The following HHLA2 variants were observed in gnomAD, a reference collection of about 807,000 sequenced individuals.
HHLA2 encodes HERV-H LTR-associating protein 2.
A neutral mutation model predicts 45.9 loss-of-function variants in HHLA2; 48 were observed. The ratio of observed to expected loss-of-function variants is 1.05; its 90% CI spans 0.83 to 1.33. The LOEUF (loss-of-function observed/expected upper bound fraction) is 1.33. Among genes scored for constraint, HHLA2 ranks in the 40% most tolerant of loss-of-function variants. HHLA2 has a pLI of 0.00. For synonymous variants in HHLA2, 161 were observed against 173.9 expected, an observed-to-expected ratio of 0.93 and a Z score of 0.59; for missense variants, 462 against 494.3, an observed-to-expected ratio of 0.93 and a Z score of 0.62.
At chr3:108,351,926 A>G in intron 4 of HHLA2, 49 bp downstream of exon 3, 1 of 1,276,446 alleles carries the variant, frequency 7.8e-7, no homozygotes, top group Non-Finnish European at 1.1e-6. Flanking sequence ...TATCAGATAG[A>G]AACATGAGCA....
intron 8 of HHLA2, among the ~76,000 whole-genome samples, chr3:108,363,541 G>GGA (rs1470876984): frequency 6.6e-6 from 1 of 152,142 alleles, no homozygotes; most frequent in Non-Finnish European, 1.5e-5. Context: ...TAGGGGCAAT[G>GGA]GAGAGCAAGC....
In HHLA2 at chr3:108,333,773, T is replaced by C. The variant is rs112481666; in HGVS notation, c.-27+5426T>C. 1.7e-3 allele frequency among the ~76,000 whole-genome samples: 259 copies of C among 152,336 alleles called. 2 individuals carry two copies. The highest frequency in any genetic ancestry group is 5.9e-3 in the African/African-American group (247 of 41,582). ...CAATGAGCTAGCCTAGGCAGCCAGC[T>C]TTAATTTCAAGTTTGATGGCCTGAT... On this transcript the variant is annotated intron_variant, in intron 3 of 10. Transcript: ENST00000619531.
intron 2 of HHLA2, among the ~76,000 whole-genome samples, chr3:108,312,765 T>G (rs138807052): frequency 6.6e-6 from 1 of 152,220 alleles, no homozygotes; most frequent in Admixed American, 6.5e-5. Context: ...AATTTTCTCC[T>G]GAAAGCTCAC....
At chr3:108,360,049 AG>A (rs1413517261) in intron 7 of HHLA2, among the ~76,000 whole-genome samples, 1 of 152,192 alleles carries the variant, frequency 6.6e-6, no homozygotes, top group Non-Finnish European at 1.5e-5. Context: ...CAGCAGACAC[AG>A]CCTCTCCAGT....
At chr3:108,336,031 T>C (rs148853097) in intron 3 of HHLA2, among the ~76,000 whole-genome samples, 5 of 152,160 alleles carry the variant, frequency 3.3e-5, no homozygotes, top group African/African-American at 1.2e-4. Context: ...TCCTCCCTGT[T>C]GTGCCCCTGC....
intron 6 of HHLA2, 66 bp downstream of exon 5, chr3:108,355,447 T>C: frequency 2.0e-6 from 3 of 1,510,270 alleles, no homozygotes; most frequent in Non-Finnish European, 2.7e-6. Context: ...GGGGACTGAT[T>C]TGCAAAAAAA....
intron 2 of HHLA2, among the ~76,000 whole-genome samples, chr3:108,324,100 G>A (rs2081248082): frequency 6.6e-6 from 1 of 152,154 alleles, no homozygotes; most frequent in South Asian, 2.1e-4. Context: ...TTAATTCACA[G>A]GTTGGTGAAT....
chr3:108,343,163 TA>T (rs2081605010), intron 3 of HHLA2, among the ~76,000 whole-genome samples: 1 of 152,216 alleles, frequency 6.6e-6, no homozygotes, highest in Non-Finnish European at 1.5e-5. Flanking sequence ...GAGGTCAAGA[TA>T]AGTTGGAGGG....
At chr3:108,299,019 CTAGAT>C (rs2080807806) in intron 1 of HHLA2, among the ~76,000 whole-genome samples, 1 of 152,260 alleles carries the variant, frequency 6.6e-6, no homozygotes. Flanking sequence ...CTAATTTAAC[CTAGAT>C]TAGAGACATC....
chr3:108,326,130 C>T (rs2081285320), intron 2 of HHLA2: 1 of 248,044 alleles, frequency 4.0e-6, no homozygotes, highest in Non-Finnish European at 8.0e-6. Flanking sequence ...AATGCCACTA[C>T]AATCTTTTTC....
exon 5 of HHLA2, chr3:108,353,733 G>A (rs780032909): frequency 1.2e-6 from 2 of 1,613,168 alleles, no homozygotes; most frequent in Non-Finnish European, 1.7e-6. Flanking sequence ...TGCTATGTAG[G>A]AACAGCAATT....
At chr3:108,309,978 G>A (rs2080991624) in intron 1 of HHLA2, among the ~76,000 whole-genome samples, 1 of 151,970 alleles carries the variant, frequency 6.6e-6, no homozygotes, top group South Asian at 2.1e-4. Flanking sequence ...ATATTACATG[G>A]ATTTTTTATT....
chr3:108,297,177 A>G (rs1328100274), intron 1 of HHLA2, among the ~76,000 whole-genome samples: 2 of 152,238 alleles, frequency 1.3e-5, no homozygotes, highest in African/African-American at 2.4e-5. Flanking sequence ...CAAGATTCAA[A>G]AAGTTAAGAT....
rs903335322 is a variant in HHLA2, at chr3:108,313,271, T to C, written c.-105+2530T>C. On this transcript the variant is annotated intron_variant, in intron 2 of 10. Coordinates refer to ENST00000619531, the Ensembl canonical transcript of HHLA2. Reference sequence around the variant, plus strand: ...GGAAAAAGGCTGGTGTGGGTAGTCTTGTACCAACGAGCAGGATTGTGATTC... The same window carrying C: ...GGAAAAAGGCTGGTGTGGGTAGTCTCGTACCAACGAGCAGGATTGTGATTC... Among the ~76,000 whole-genome samples, 28 of 152,186 alleles carry C rather than the reference T, an allele frequency of 1.8e-4. 1 individual carries two copies. The highest frequency in any genetic ancestry group is 2.6e-4 in the Admixed American group (4 of 15,280).
In HHLA2 at chr3:108,353,551, G is replaced by A. The variant is rs2081825969; in HGVS notation, c.189G>A (p.Trp63Ter). The change falls in exon 5 of 11, where the codon TGG becomes TGA. Residue 63 changes from tryptophan to a stop codon, truncating the protein, a stop_gained. Coordinates refer to ENST00000619531, the Ensembl canonical transcript of HHLA2. LOFTEE classifies it high-confidence loss of function. ...GGGGATCCGAAGTCGTAATACACTG[G>A]AAGTATCAAGATAGCTATAAGGTTC... 1.9e-6 allele frequency: 3 copies of A among 1,613,476 alleles called. No homozygotes were observed. The highest frequency in any genetic ancestry group is 2.5e-6 in the Non-Finnish European group (3 of 1,179,728).
intron 3 of HHLA2, among the ~76,000 whole-genome samples, chr3:108,349,172 AC>A (rs2081728019): frequency 6.7e-6 from 1 of 149,962 alleles, no homozygotes; most frequent in South Asian, 2.1e-4. Context: ...GGAACAAAAA[AC>A]CCTTCAAAAA....
At chr3:108,319,665 C>T (rs1398558485) in intron 2 of HHLA2, among the ~76,000 whole-genome samples, 1 of 152,208 alleles carries the variant, frequency 6.6e-6, no homozygotes. Context: ...CTAAAATATT[C>T]TAGTGCTAAC....
At chr3:108,373,884 G>A (rs1157404329) in intron 8 of HHLA2, among the ~76,000 whole-genome samples, 15 of 150,368 alleles carry the variant, frequency 1.0e-4, no homozygotes, top group South Asian at 2.1e-4. Context: ...AATCAATATC[G>A]TGAAAATGGC....
intron 2 of HHLA2, among the ~76,000 whole-genome samples, chr3:108,321,986 TTA>T (rs1321528857): frequency 6.6e-6 from 1 of 152,190 alleles, no homozygotes; most frequent in Non-Finnish European, 1.5e-5. Flanking sequence ...AAGATGTTAG[TTA>T]TAGTTTTATT....
Sources: allele counts gnomAD v4.1 joint callset (sites outside exome capture counted in the v4.1 genomes callset), GRCh38; gene constraint gnomAD v4.1.1; transcripts MANE v1.5; gene names NCBI Gene and HGNC (gene_info 2026-07-23, HGNC 2026-07-21).